TEAD1: variants seen among roughly 807,000 people sequenced by gnomAD.
The protein encoded by TEAD1 is TEA domain transcription factor 1, also known as transcriptional enhancer factor TEF-1.
In TEAD1, 9 loss-of-function variants were observed where a neutral mutation model predicts 54.9. That is an observed-to-expected ratio of 0.16 (90% CI 0.10 to 0.29). The LOEUF is 0.29. Ranked by LOEUF, TEAD1 falls within the 10% of genes least tolerant of loss-of-function variation. The probability of loss-of-function intolerance (pLI) is 1.00; values close to 1 mark genes in which losing one functional copy is unlikely to be tolerated. For missense variants in TEAD1, 387 were observed against 535.9 expected, an observed-to-expected ratio of 0.72 and a Z score of 2.74; for synonymous variants, 200 against 187.8, an observed-to-expected ratio of 1.07 and a Z score of -0.53.
intron 3 of TEAD1, among the ~76,000 whole-genome samples, chr11:12,811,641 C>CTGGG (rs1946301856): frequency 6.6e-6 from 1 of 152,096 alleles, no homozygotes; most frequent in Non-Finnish European, 1.5e-5. Flanking sequence ...TCTGTGGTCT[C>CTGGG]TGGGGCAAGG....
intron 3 of TEAD1, among the ~76,000 whole-genome samples, chr11:12,824,641 G>A (rs1050418237): frequency 6.6e-6 from 1 of 152,206 alleles, no homozygotes; most frequent in Non-Finnish European, 1.5e-5. Context: ...GAGGCTCCTT[G>A]TCTTCCAGGC....
intron 2 of TEAD1, among the ~76,000 whole-genome samples, chr11:12,708,951 G>A (rs993643216): frequency 7.9e-5 from 12 of 152,168 alleles, no homozygotes; most frequent in African/African-American, 2.9e-4. Flanking sequence ...AATGCTAATA[G>A]CGATCATCAA....
At chr11:12,701,088 G>A (rs1169095004) in intron 2 of TEAD1, among the ~76,000 whole-genome samples, 1 of 152,212 alleles carries the variant, frequency 6.6e-6, no homozygotes, top group East Asian at 1.9e-4. Flanking sequence ...CATGTGTACA[G>A]TGTACAATAT....
chr11:12,785,927 A>G (rs1201747894), intron 3 of TEAD1, among the ~76,000 whole-genome samples: 3 of 152,194 alleles, frequency 2.0e-5, no homozygotes, highest in Non-Finnish European at 2.9e-5. Flanking sequence ...TCTTGCACGT[A>G]GCGTAAGATG....
At chr11:12,683,220 A>C (rs1203671505) in intron 2 of TEAD1, among the ~76,000 whole-genome samples, 1 of 152,252 alleles carries the variant, frequency 6.6e-6, no homozygotes, top group Non-Finnish European at 1.5e-5. Context: ...AGTGATAAGC[A>C]TTGTGACATC....
rs754819177 is a variant in TEAD1, at chr11:12,764,209, G to A, written c.-24G>A. Reference sequence around the variant, plus strand: ...TTTTCTTGAAAAGGCTCCAGGCTTCGGCTTGGAAAATCCCACCGCCAAAAT... The same window carrying A: ...TTTTCTTGAAAAGGCTCCAGGCTTCAGCTTGGAAAATCCCACCGCCAAAAT... On this transcript the variant is annotated 5_prime_UTR_variant, in exon 3 of 13. Transcript: ENST00000527636. 2.5e-6 allele frequency: 4 copies of A among 1,610,344 alleles called. No homozygotes were observed. The highest frequency in any genetic ancestry group is 4.5e-5 in the East Asian group (2 of 44,864).
chr11:12,699,671 C>G (rs1414809245), intron 2 of TEAD1, among the ~76,000 whole-genome samples: 2 of 152,160 alleles, frequency 1.3e-5, no homozygotes, highest in Admixed American at 1.3e-4. Context: ...AGGGAAGTTT[C>G]CATGTCTCTT....
rs1424525676 is a variant in TEAD1 at position 12,831,648 on chromosome 11, G to A, written c.203-30602G>A. On this transcript the variant is annotated intron_variant, in intron 3 of 12. Transcript: ENST00000527636. ...TTAAAAATTAGCCAAGTGTGGTGAC[G>A]TGTGCCTGTAGTCCCAGCTACTCAG... Among the ~76,000 whole-genome samples, 10 of 151,998 alleles carry A rather than the reference G, an allele frequency of 6.6e-5. No individual in the cohort carries two copies. The East Asian group carries it at 9.7e-4, about 15-fold the overall frequency.
intron 2 of TEAD1, among the ~76,000 whole-genome samples, chr11:12,681,760 T>A (rs544974766): frequency 6.6e-6 from 1 of 152,374 alleles, no homozygotes; most frequent in East Asian, 1.9e-4. Flanking sequence ...TCTGCCCCGC[T>A]CCTGTCTCCC....
At chr11:12,879,971 C>G in intron 6 of TEAD1, 129 bp downstream of exon 6, 1 of 1,362,210 alleles carries the variant, frequency 7.3e-7, no homozygotes, top group South Asian at 1.2e-5. Flanking sequence ...GCTACCTTGT[C>G]AACTGATAAC....
intron 3 of TEAD1, among the ~76,000 whole-genome samples, chr11:12,781,165 A>G (rs2119236): frequency 0.15 from 22,607 of 152,194 alleles, 5,711 homozygotes; most frequent in African/African-American, 0.52. Flanking sequence ...CCTTCCTCAC[A>G]TATCATATAT....
intron 2 of TEAD1, among the ~76,000 whole-genome samples, chr11:12,719,947 A>C (rs1944150529): frequency 1.7e-5 from 1 of 59,754 alleles, no homozygotes; most frequent in Non-Finnish European, 3.9e-5. Context: ...TGGAAATCTA[A>C]TGTTTTTTTT....
rs1194506046 is a variant in TEAD1 at position 12,776,759 on chromosome 11, TA to T, written c.202+12326del. ...GTTCTTCAAAGCCCATTTGGATATT[TA>T]TTATTATTATTATTATTATTATTAT... On this transcript the variant is annotated intron_variant, in intron 3 of 12. Transcript: ENST00000527636. 4.9e-3 allele frequency among the ~76,000 whole-genome samples: 158 copies of T among 32,360 alleles called. 2 individuals are homozygous for T. Among genetic ancestry groups the T allele is most frequent in the South Asian group, 0.045 (23 of 514 alleles). The allele number at this position is 32,360 out of a possible 152,430, so 21.2% of individuals were successfully genotyped here.
rs142599177 is a variant in TEAD1, at chr11:12,761,705, C to T, written c.-54-2474C>T. Among the ~76,000 whole-genome samples the T allele has an allele frequency of 3.9e-3, 601 of 152,270 alleles. 5 individuals carry two copies. Among genetic ancestry groups the T allele is most frequent in the African/African-American group, 0.014 (569 of 41,550 alleles). ...TTAGGATCCTGGAGGCTGCTTCTGT[C>T]ATACCTAAATGGGTATCTTAGGAGA... is the stretch of plus-strand genomic sequence containing the variant. On this transcript the variant is annotated intron_variant, in intron 2 of 12. Coordinates refer to ENST00000527636, the MANE Select transcript of TEAD1 (RefSeq NM_021961.6).
At chr11:12,874,081 A>G (rs898539176) in intron 5 of TEAD1, among the ~76,000 whole-genome samples, 3 of 152,212 alleles carry the variant, frequency 2.0e-5, no homozygotes, top group African/African-American at 7.2e-5. Context: ...TTGGAATCCT[A>G]TCTTTAAATT....
intron 5 of TEAD1, among the ~76,000 whole-genome samples, chr11:12,872,607 A>G (rs1947773984): frequency 6.6e-6 from 1 of 152,240 alleles, no homozygotes; most frequent in South Asian, 2.1e-4. Flanking sequence ...GGCACTGAAT[A>G]TGTAGATAAA....
rs1949188928 is a variant in TEAD1 at position 12,944,405 on chromosome 11, G to T, written c.*7183G>T. On this transcript the variant is annotated 3_prime_UTR_variant, in exon 13 of 13. Coordinates refer to ENST00000527636, the MANE Select transcript of TEAD1 (RefSeq NM_021961.6). ...AAATGTTCTAAGTGTTGGCTTTAAAGTGAATTTATCTTTAGTATGATAGTT... is the reference window on the plus strand; with the variant it reads ...AAATGTTCTAAGTGTTGGCTTTAAATTGAATTTATCTTTAGTATGATAGTT... The T allele has an allele frequency of 6.6e-6, 1 of 152,350 alleles. No homozygotes were observed. Among genetic ancestry groups the T allele is most frequent in the Non-Finnish European group, 1.5e-5 (1 of 68,006 alleles). 9.4% of individuals were successfully genotyped at this position (152,350 alleles called of 1,614,324 possible).
intron 3 of TEAD1, among the ~76,000 whole-genome samples, chr11:12,782,004 G>A (rs1283459401): frequency 2.1e-5 from 3 of 145,280 alleles, no homozygotes; most frequent in Admixed American, 6.8e-5. Context: ...AAAAAAATTA[G>A]CCAAGCGTGG....
rs1168271211 is a variant in TEAD1 at position 12,937,512 on chromosome 11, C to A, written c.*290C>A. The A allele has an allele frequency of 1.4e-5, 4 of 283,352 alleles. No individual in the cohort carries two copies. The East Asian group carries it at 2.3e-4, about 16-fold the overall frequency. 17.6% of individuals were successfully genotyped at this position (283,352 alleles called of 1,614,324 possible). On this transcript the variant is annotated 3_prime_UTR_variant, in exon 13 of 13. Transcript: ENST00000527636. Reference sequence around the variant, plus strand: ...CCCACAATTCCTCGGGAAAGGTGAACCTGAACAACCCAAGTCTCTCTCTGC... The same window carrying A: ...CCCACAATTCCTCGGGAAAGGTGAAACTGAACAACCCAAGTCTCTCTCTGC...
Sources: gnomAD v4.1 joint callset for allele counts (sites outside exome capture counted in the v4.1 genomes callset) on GRCh38, gnomAD v4.1.1 for gene constraint, MANE v1.5 for transcripts, NCBI Gene and HGNC (gene_info 2026-07-23, HGNC 2026-07-21) for gene names.